The following CDH12 variants were observed in gnomAD, a reference collection of about 807,000 sequenced individuals.
The protein encoded by CDH12 is cadherin-12.
Under a neutral mutation model 74.1 loss-of-function variants are expected in CDH12, and 41 were observed. That is an observed-to-expected ratio of 0.55 (90% CI 0.43 to 0.72). The LOEUF is 0.72. Among genes scored for constraint, CDH12 ranks in the 30% least tolerant of loss-of-function variants. CDH12 has a pLI of 0.00. For synonymous variants in CDH12, 399 were observed against 355.0 expected (o/e 1.12, Z -1.39); for missense variants, 945 against 977.2 (o/e 0.97, Z 0.44).
chr5:21,764,851 G>T, intron 12 of CDH12, 127 bp downstream of exon 12: 1 of 863,466 alleles, frequency 1.2e-6, no homozygotes, highest in Non-Finnish European at 1.9e-6. Flanking sequence ...ATCTTTTATG[G>T]TTTCTTTTAT....
intron 11 of CDH12, among the ~76,000 whole-genome samples, chr5:21,772,428 G>C (rs1426944030): frequency 6.6e-6 from 1 of 151,616 alleles, no homozygotes; most frequent in East Asian, 1.9e-4. Flanking sequence ...ATATTTTTCG[G>C]AATATTTTAT....
chr5:22,439,406 C>T (rs963245558), intron 2 of CDH12, among the ~76,000 whole-genome samples: 2 of 151,936 alleles, frequency 1.3e-5, no homozygotes, highest in African/African-American at 4.8e-5. Context: ...GGTAAGGAAA[C>T]AATGACCCAT....
rs114612869 is a variant in CDH12 at position 21,938,865 on chromosome 5, A to G, written c.526+36226T>C. Among the ~76,000 whole-genome samples, 1,296 of 150,420 alleles carry G rather than the reference A, an allele frequency of 8.6e-3. 18 individuals carry two copies. Among genetic ancestry groups the G allele is most frequent in the African/African-American group, 0.03 (1,213 of 41,056 alleles). ...CCTTTGAATTAGAATTATTTGAAAA[A>G]CGTAGGGCTATTCTGAAACAACAAC... is the stretch of plus-strand genomic sequence containing the variant. On this transcript the variant is annotated intron_variant, in intron 6 of 14. Coordinates refer to ENST00000382254, the MANE Select transcript of CDH12 (RefSeq NM_004061.5).
chr5:22,578,754 CAG>C (rs373295525), intron 1 of CDH12, among the ~76,000 whole-genome samples: 48 of 151,998 alleles, frequency 3.2e-4, no homozygotes, highest in East Asian at 2.9e-3. Context: ...GGGAGGGTAA[CAG>C]GGGTAAAAAT....
At chr5:22,516,305 A>G (rs2126678777) in intron 1 of CDH12, among the ~76,000 whole-genome samples, 1 of 152,346 alleles carries the variant, frequency 6.6e-6, no homozygotes, top group South Asian at 2.1e-4. Flanking sequence ...TTAAAAATGG[A>G]ATATAAATAC....
chr5:21,982,137 C>CT (rs1757331995), intron 5 of CDH12, among the ~76,000 whole-genome samples: 1 of 152,120 alleles, frequency 6.6e-6, no homozygotes, highest in Non-Finnish European at 1.5e-5. Context: ...AATAGATTGC[C>CT]TTCCCTAATG....
intron 2 of CDH12, among the ~76,000 whole-genome samples, chr5:22,445,500 A>C (rs1490029941): frequency 2.0e-5 from 3 of 152,136 alleles, no homozygotes; most frequent in African/African-American, 7.2e-5. Context: ...TCAGTCATTG[A>C]AATCTTCGCT....
chr5:22,667,587 CTA>C (rs1740689720), intron 1 of CDH12, among the ~76,000 whole-genome samples: 1 of 152,138 alleles, frequency 6.6e-6, no homozygotes, highest in Non-Finnish European at 1.5e-5. Context: ...ATTTGCACTA[CTA>C]TGGATTCTGC....
intron 8 of CDH12, among the ~76,000 whole-genome samples, chr5:21,829,158 G>A (rs1748862700): frequency 6.6e-6 from 1 of 152,250 alleles, no homozygotes; most frequent in Admixed American, 6.5e-5. Flanking sequence ...AATCAGGTGT[G>A]GTAGTGCGTA....
chr5:21,925,917 A>G (rs1754563224), intron 6 of CDH12, among the ~76,000 whole-genome samples: 1 of 147,008 alleles, frequency 6.8e-6, no homozygotes, highest in Admixed American at 7.1e-5. Flanking sequence ...GATATGAATT[A>G]TGACTCCAAT....
intron 1 of CDH12, among the ~76,000 whole-genome samples, chr5:22,660,616 C>T (rs1740298161): frequency 6.6e-6 from 1 of 152,138 alleles, no homozygotes; most frequent in Non-Finnish European, 1.5e-5. Context: ...TGAAGTCTCA[C>T]CATGTTGCAC....
At chr5:22,694,573 T>A (rs1260653904) in intron 1 of CDH12, among the ~76,000 whole-genome samples, 1 of 152,064 alleles carries the variant, frequency 6.6e-6, no homozygotes, top group Non-Finnish European at 1.5e-5. Flanking sequence ...TTCTTATAAA[T>A]TTTTTTACAA....
chr5:22,227,774 T>C (rs1159197560), intron 3 of CDH12, among the ~76,000 whole-genome samples: 1 of 152,172 alleles, frequency 6.6e-6, no homozygotes, highest in Non-Finnish European at 1.5e-5. Context: ...AACACTTCAG[T>C]GGCCATAATG....
At chr5:22,378,605 C>T (rs949388482) in intron 3 of CDH12, among the ~76,000 whole-genome samples, 1 of 152,022 alleles carries the variant, frequency 6.6e-6, no homozygotes, top group African/African-American at 2.4e-5. Flanking sequence ...AAGAGAACAT[C>T]ATTTCACCAA....
At chr5:22,580,083 T>C (rs1327996140) in intron 1 of CDH12, 2 of 214,696 alleles carry the variant, frequency 9.3e-6, no homozygotes, top group Admixed American at 1.0e-4. Context: ...ACCATGTAGC[T>C]TCTCTGACAA....
At chr5:22,083,846 A>T (rs1742896826) in intron 4 of CDH12, among the ~76,000 whole-genome samples, 1 of 152,168 alleles carries the variant, frequency 6.6e-6, no homozygotes, top group South Asian at 2.1e-4. Context: ...TAAAACAAGG[A>T]ATATGTGCCC....
chr5:22,746,903 G>A (rs1307549468), intron 1 of CDH12, among the ~76,000 whole-genome samples: 1 of 152,180 alleles, frequency 6.6e-6, no homozygotes, highest in Non-Finnish European at 1.5e-5. Flanking sequence ...GACACAGATA[G>A]TAGCAGCTTC....
At chr5:21,764,630 C>G (rs1275464776) in intron 12 of CDH12, among the ~76,000 whole-genome samples, 1 of 112,082 alleles carries the variant, frequency 8.9e-6, no homozygotes, top group South Asian at 2.9e-4. Context: ...GCCTGGGTGA[C>G]AGAGCAAGAC....
In CDH12 at chr5:21,864,941, A is replaced by G. The variant is rs566683756; in HGVS notation, c.527-10151T>C. Among the ~76,000 whole-genome samples the G allele has an allele frequency of 3.3e-5, 5 of 152,336 alleles. No homozygotes were observed. In the South Asian group the frequency reaches 1.0e-3, roughly 32 times the overall value. ...AGAACAAGGTATTGGAAACTGGAAT[A>G]AAGGTAGTCCTTGTCATACAGGATT... On this transcript the variant is annotated intron_variant, in intron 6 of 14. Coordinates refer to ENST00000382254, the MANE Select transcript of CDH12 (RefSeq NM_004061.5).
Sources: gnomAD v4.1 joint callset for allele counts (sites outside exome capture counted in the v4.1 genomes callset) on GRCh38, gnomAD v4.1.1 for gene constraint, MANE v1.5 for transcripts, NCBI Gene and HGNC (gene_info 2026-07-23, HGNC 2026-07-21) for gene names.